PHACTR1: variants seen among roughly 807,000 people sequenced by gnomAD.
PHACTR1 encodes the protein RPEL repeat containing 1.
A neutral mutation model predicts 69.2 loss-of-function variants in PHACTR1; 16 were observed. The ratio of observed to expected loss-of-function variants is 0.23; its 90% CI spans 0.16 to 0.35. PHACTR1 has a LOEUF of 0.35. Among genes scored for constraint, PHACTR1 ranks in the 10% least tolerant of loss-of-function variants. The pLI, the probability that PHACTR1 is intolerant of heterozygous loss-of-function variation, is 1.00. For missense variants in PHACTR1, 510 were observed against 734.7 expected (o/e 0.69, Z 3.54); for synonymous variants, 312 against 284.5 (o/e 1.10, Z -0.97).
At position 12,990,445 on chromosome 6, in the gene PHACTR1, G is replaced by C. The variant is rs1796690464; in HGVS notation, c.251-62920G>C. ...CGACCACTTCAACACCAACAGGAAT[G>C]AATTTCACTCGCTCGAACTTGCTAG... On this transcript the variant is annotated intron_variant, in intron 4 of 14. Coordinates refer to ENST00000332995, the MANE Select transcript of PHACTR1 (RefSeq NM_030948.6). Among the ~76,000 whole-genome samples, 3 of 152,318 alleles carry C rather than the reference G, an allele frequency of 2.0e-5. No homozygotes were observed. In the South Asian group the frequency reaches 6.2e-4, roughly 32 times the overall value.
intron 4 of PHACTR1, among the ~76,000 whole-genome samples, chr6:12,857,433 T>C (rs981671540): frequency 2.0e-5 from 3 of 152,004 alleles, no homozygotes; most frequent in African/African-American, 7.2e-5. Flanking sequence ...AACATGGCTG[T>C]CTTTACTAAA....
chr6:12,786,985 C>T lies in PHACTR1; in HGVS notation c.250+37195C>T, dbSNP rs537801167. On this transcript the variant is annotated intron_variant, in intron 4 of 14. Coordinates refer to ENST00000332995, the MANE Select transcript of PHACTR1 (RefSeq NM_030948.6). Reference sequence around the variant, plus strand: ...ATAAATTCAGAGAGGCTAGGAAATACACTGTTAAAGCAGGAGCAAAATACT... The same window carrying T: ...ATAAATTCAGAGAGGCTAGGAAATATACTGTTAAAGCAGGAGCAAAATACT... Among the ~76,000 whole-genome samples, 26 of 152,298 alleles carry T rather than the reference C, an allele frequency of 1.7e-4. No homozygotes were observed. In the South Asian group the frequency reaches 3.1e-3, roughly 18 times the overall value.
chr6:13,235,446 A>C (rs1186005948), intron 10 of PHACTR1, among the ~76,000 whole-genome samples: 1 of 152,250 alleles, frequency 6.6e-6, no homozygotes, highest in Non-Finnish European at 1.5e-5. Flanking sequence ...AATTAGACAC[A>C]GAGCCATGCT....
At chr6:13,065,227 A>C (rs1222714616) in intron 5 of PHACTR1, among the ~76,000 whole-genome samples, 1 of 152,104 alleles carries the variant, frequency 6.6e-6, no homozygotes, top group Non-Finnish European at 1.5e-5. Context: ...CTGGGATGAA[A>C]ACTCCAAAGA....
chr6:13,199,450 G>T (rs573934080), intron 7 of PHACTR1, among the ~76,000 whole-genome samples: 55 of 143,328 alleles, frequency 3.8e-4, no homozygotes, highest in African/African-American at 1.2e-3. Context: ...TGCAGTAGAA[G>T]CCTGATCTAC....
chr6:12,845,924 G>C (rs1268714490), intron 4 of PHACTR1, among the ~76,000 whole-genome samples: 1 of 152,192 alleles, frequency 6.6e-6, no homozygotes, highest in Non-Finnish European at 1.5e-5. Flanking sequence ...CAGATTTCAT[G>C]CACCTGCTGA....
At chr6:12,788,114 C>T (rs898133143) in intron 4 of PHACTR1, among the ~76,000 whole-genome samples, 2 of 151,320 alleles carry the variant, frequency 1.3e-5, no homozygotes, top group South Asian at 2.1e-4. Flanking sequence ...GCCAAGATCA[C>T]GCCACTGCAC....
Position 13,272,935 on chromosome 6 carries a change from G to A in PHACTR1, c.1447+20G>A. ...TGAAACGTAAGTGACTAAGCCCATG[G>A]CAATCCCTGATGTTTTGTGGCGGCT... On this transcript the variant is annotated intron_variant, in intron 11 of 14. Coordinates refer to ENST00000332995, the MANE Select transcript of PHACTR1 (RefSeq NM_030948.6). 1 of 1,613,390 alleles carries A rather than the reference G, an allele frequency of 6.2e-7. No individual in the cohort carries two copies. The highest frequency in any genetic ancestry group is 8.5e-7 in the Non-Finnish European group (1 of 1,179,660).
At chr6:13,210,467 A>G (rs1766640797) in intron 8 of PHACTR1, among the ~76,000 whole-genome samples, 1 of 152,172 alleles carries the variant, frequency 6.6e-6, no homozygotes, top group African/African-American at 2.4e-5. Context: ...TCAAAATCAC[A>G]GGGTTGCCCT....
In PHACTR1 at chr6:13,283,306, G is replaced by A. The variant is rs955496884; in HGVS notation, c.1510-116G>A. ...TGCCCCTGCCCCTCACTCACTATGC[G>A]ATGCATCCATCGCCTCACTGAACCT... On this transcript the variant is annotated intron_variant, in intron 12 of 14. Coordinates refer to ENST00000332995, the MANE Select transcript of PHACTR1 (RefSeq NM_030948.6). This position sits in a 1 kb window ranked among gnomAD's most constrained non-coding sequence, Gnocchi z 4.7. 1.0e-5 allele frequency: 11 copies of A among 1,066,222 alleles called. No individual in the cohort carries two copies. The highest frequency in any genetic ancestry group is 3.2e-5 in the East Asian group (1 of 31,602). The allele number at this position is 1,066,222 out of a possible 1,614,324, so 66.0% of individuals were successfully genotyped here.
chr6:13,177,880 T>C (rs774067467), intron 6 of PHACTR1, among the ~76,000 whole-genome samples: 14 of 152,142 alleles, frequency 9.2e-5, no homozygotes, highest in Non-Finnish European at 1.8e-4. Flanking sequence ...CTCCATGAGG[T>C]CATTGTCGGG....
At chr6:12,836,090 C>T (rs1190952688) in intron 4 of PHACTR1, among the ~76,000 whole-genome samples, 1 of 152,068 alleles carries the variant, frequency 6.6e-6, no homozygotes, top group African/African-American at 2.4e-5. Flanking sequence ...TGCTTTTGAA[C>T]TGAGTACCGA....
intron 8 of PHACTR1, among the ~76,000 whole-genome samples, chr6:13,218,683 A>G (rs765416316): frequency 1.3e-5 from 2 of 151,926 alleles, no homozygotes; most frequent in Non-Finnish European, 2.9e-5. Context: ...TTAGCCAGGT[A>G]TGGTGACACC....
chr6:12,934,835 CAA>C (rs1325225621), intron 4 of PHACTR1, among the ~76,000 whole-genome samples: 1 of 139,496 alleles, frequency 7.2e-6, no homozygotes, highest in Non-Finnish European at 1.6e-5. Flanking sequence ...GATCCTCTCT[CAA>C]AAAAAAAAAC....
chr6:12,884,048 A>G (rs979606601), intron 4 of PHACTR1, among the ~76,000 whole-genome samples: 1 of 151,676 alleles, frequency 6.6e-6, no homozygotes, highest in Admixed American at 6.6e-5. Context: ...ATACATATAT[A>G]CACAGTCACA....
intron 5 of PHACTR1, among the ~76,000 whole-genome samples, chr6:13,110,493 A>C (rs1405536126): frequency 6.6e-6 from 1 of 152,208 alleles, no homozygotes. Context: ...TGTGCTCAAC[A>C]GTTTTGAATC....
intron 4 of PHACTR1, among the ~76,000 whole-genome samples, chr6:12,946,061 C>G (rs1200257922): frequency 6.6e-6 from 1 of 151,208 alleles, no homozygotes; most frequent in African/African-American, 2.4e-5. Flanking sequence ...CAGTATTACA[C>G]CAGATTACCA....
chr6:12,873,904 C>T (rs1309810943), intron 4 of PHACTR1, among the ~76,000 whole-genome samples: 1 of 152,138 alleles, frequency 6.6e-6, no homozygotes, highest in Non-Finnish European at 1.5e-5. Context: ...CACTGCCATG[C>T]CTGTGGGTGT....
chr6:13,205,513 C>A (rs1765776296), intron 7 of PHACTR1, among the ~76,000 whole-genome samples: 1 of 152,200 alleles, frequency 6.6e-6, no homozygotes, highest in Admixed American at 6.5e-5. Flanking sequence ...CATCACATGC[C>A]TCCTTCCTCC....
Sources: gnomAD v4.1 joint callset for allele counts (sites outside exome capture counted in the v4.1 genomes callset) on GRCh38, gnomAD v4.1.1 for gene constraint, Gnocchi (gnomAD v3.1) non-coding constraint, MANE v1.5 for transcripts, NCBI Gene and HGNC (gene_info 2026-07-23, HGNC 2026-07-21) for gene names.